The following WWOX variants were observed in gnomAD, a reference collection of about 807,000 sequenced individuals.
The protein encoded by WWOX is WW domain-containing oxidoreductase.
In WWOX, 69 loss-of-function variants were observed where a neutral mutation model predicts 46.2. The observed-to-expected ratio is 1.49, with a 90% confidence interval of 1.23 to 1.82. The LOEUF (loss-of-function observed/expected upper bound fraction) is 1.82, where lower values mean the gene tolerates loss of function less well. WWOX is among the 40% of genes most tolerant of loss of function. WWOX has a pLI of 0.00. For synonymous variants in WWOX, 359 were observed against 202.6 expected (o/e 1.77, Z -6.56); for missense variants, 919 against 542.6 (o/e 1.69, Z -6.89).
chr16:78,776,883 C>T (rs770205774), intron 8 of WWOX, among the ~76,000 whole-genome samples: 2 of 152,098 alleles, frequency 1.3e-5, no homozygotes, highest in Non-Finnish European at 2.9e-5. Flanking sequence ...GGAACCACCC[C>T]CATCATCCAG....
intron 8 of WWOX, among the ~76,000 whole-genome samples, chr16:78,903,950 A>C (rs2044893253): frequency 6.6e-6 from 1 of 152,210 alleles, no homozygotes. Context: ...GGCCAGCCAC[A>C]CAGCGAATGA....
chr16:78,840,238 A>G (rs979925490), intron 8 of WWOX, among the ~76,000 whole-genome samples: 2 of 152,214 alleles, frequency 1.3e-5, no homozygotes, highest in Admixed American at 6.5e-5. Context: ...AACTGTGCAC[A>G]TTCTTGACTC....
intron 8 of WWOX, among the ~76,000 whole-genome samples, chr16:78,675,927 GA>G (rs1221052880): frequency 1.3e-5 from 2 of 152,160 alleles, no homozygotes; most frequent in South Asian, 4.2e-4. Flanking sequence ...AAAGAAGTGG[GA>G]AAAAATTTAA....
intron 8 of WWOX, among the ~76,000 whole-genome samples, chr16:78,972,624 C>G (rs903591282): frequency 2.0e-5 from 3 of 151,946 alleles, no homozygotes; most frequent in African/African-American, 7.3e-5. Context: ...AAGTACATAC[C>G]GCTGCACATC....
chr16:78,382,074 C>CT lies in WWOX; in HGVS notation c.517-4778dup, dbSNP rs560971619. On this transcript the variant is annotated intron_variant, in intron 5 of 8. Coordinates refer to ENST00000566780, the MANE Select transcript of WWOX (RefSeq NM_016373.4). The stretch of plus-strand genomic sequence containing the variant: ...GGCCCATATTCATATGTCTTTGTGA[C>CT]TTTTTTTTATAATGGATGTGAGTGT... Among the ~76,000 whole-genome samples, 10 of 152,112 alleles carry CT rather than the reference C, an allele frequency of 6.6e-5. No individual in the cohort carries two copies. In the South Asian group the frequency reaches 1.0e-3, roughly 16 times the overall value.
chr16:78,842,741 A>G (rs1240931668), intron 8 of WWOX, among the ~76,000 whole-genome samples: 1 of 151,350 alleles, frequency 6.6e-6, no homozygotes, highest in Non-Finnish European at 1.5e-5. Context: ...AGCCGCAGCT[A>G]CTCAGGAGGC....
intron 8 of WWOX, among the ~76,000 whole-genome samples, chr16:78,559,470 C>G (rs1477873664): frequency 6.6e-6 from 1 of 150,570 alleles, no homozygotes; most frequent in East Asian, 1.9e-4. Context: ...GTTCTCCAGC[C>G]AATGGATTTA....
chr16:78,416,527 G>A (rs1156484878), intron 6 of WWOX, among the ~76,000 whole-genome samples: 2 of 152,198 alleles, frequency 1.3e-5, no homozygotes, highest in Admixed American at 6.5e-5. Context: ...AGAGGAAAGG[G>A]TTTTCCCAGG....
chr16:78,649,601 C>G (rs901893998), intron 8 of WWOX, among the ~76,000 whole-genome samples: 6 of 152,202 alleles, frequency 3.9e-5, no homozygotes, highest in African/African-American at 1.4e-4. Flanking sequence ...TAATACATAC[C>G]ATGACCTTGG....
At chr16:79,159,890 C>T (rs115250291) in intron 8 of WWOX, among the ~76,000 whole-genome samples, 2,372 of 152,254 alleles carry the variant, frequency 0.016, 62 homozygotes, top group African/African-American at 0.052. Context: ...TGCCGCACCT[C>T]CTCTTTGAAG....
At chr16:79,161,311 G>A (rs1296080134) in intron 8 of WWOX, among the ~76,000 whole-genome samples, 1 of 152,054 alleles carries the variant, frequency 6.6e-6, no homozygotes, top group Non-Finnish European at 1.5e-5. Flanking sequence ...CTAAGCCTCA[G>A]CTTATCTCTA....
chr16:78,409,418 C>T (rs1304532658), intron 6 of WWOX, among the ~76,000 whole-genome samples: 3 of 152,026 alleles, frequency 2.0e-5, no homozygotes, highest in African/African-American at 4.8e-5. Context: ...TTTTTTCTGT[C>T]CCTAGTTGTT....
intron 8 of WWOX, among the ~76,000 whole-genome samples, chr16:78,828,503 G>A (rs139485712): frequency 2.0e-5 from 3 of 151,872 alleles, no homozygotes; most frequent in African/African-American, 4.8e-5. Context: ...ACTGCACTGG[G>A]CATTTTTAAA....
At chr16:79,195,050 G>T (rs2051211307) in intron 8 of WWOX, among the ~76,000 whole-genome samples, 1 of 152,152 alleles carries the variant, frequency 6.6e-6, no homozygotes, top group South Asian at 2.1e-4. Context: ...TTATGCATAT[G>T]GTGTGATTTG....
chr16:78,573,854 G>T (rs1026436931), intron 8 of WWOX, among the ~76,000 whole-genome samples: 11 of 152,180 alleles, frequency 7.2e-5, no homozygotes, highest in Non-Finnish European at 1.2e-4. Context: ...CACAAATTTT[G>T]CAGCTTAAAA....
rs545062752 is a variant in WWOX at position 78,632,557 on chromosome 16, A to ATTTTT, written c.1056+199822_1056+199826dup. Among the ~76,000 whole-genome samples the ATTTTT allele has an allele frequency of 1.9e-3, 141 of 74,738 alleles. 30 individuals are homozygous for ATTTTT. Among genetic ancestry groups the ATTTTT allele is most frequent in the East Asian group, 4.8e-3 (13 of 2,710 alleles). The allele number at this position is 74,738 out of a possible 152,430, so 49.0% of individuals were successfully genotyped here. A position where few individuals can be genotyped will look rare whatever the true frequency, so the allele number is the denominator to read the frequency against. On this transcript the variant is annotated intron_variant, in intron 8 of 8. Coordinates refer to ENST00000566780, the MANE Select transcript of WWOX (RefSeq NM_016373.4). ...CTCTCTTCCCCCACTTACTTGGCCA[A>ATTTTT]TTTTTTTTTTTTTTTTTTTTTGGTG...
chr16:78,957,981 C>T (rs945023339), intron 8 of WWOX, among the ~76,000 whole-genome samples: 6 of 152,162 alleles, frequency 3.9e-5, no homozygotes, highest in Admixed American at 3.3e-4. Context: ...CTCTCACTTT[C>T]GTTTTATTTA....
chr16:78,754,210 G>C (rs559582052), intron 8 of WWOX, among the ~76,000 whole-genome samples: 1 of 152,000 alleles, frequency 6.6e-6, no homozygotes, highest in Non-Finnish European at 1.5e-5. Context: ...ACTCGGTGAG[G>C]ATGGACTTTA....
At chr16:78,890,427 C>G (rs1282312962) in intron 8 of WWOX, 1 of 152,188 alleles carries the variant, frequency 6.6e-6, no homozygotes, top group Non-Finnish European at 1.5e-5. Flanking sequence ...CCCTCCCACC[C>G]TATCTGGGCC....
Sources: gnomAD v4.1 joint callset for allele counts (sites outside exome capture counted in the v4.1 genomes callset) on GRCh38, gnomAD v4.1.1 for gene constraint, MANE v1.5 for transcripts, NCBI Gene and HGNC (gene_info 2026-07-23, HGNC 2026-07-21) for gene names.